The following UNC13D variants were observed in gnomAD, a reference collection of about 807,000 sequenced individuals.
UNC13D encodes the protein unc-13 homolog D.
UNC13D carries 115 observed loss-of-function variants against 151.7 expected under a neutral mutation model. That is an observed-to-expected ratio of 0.76 (90% CI 0.65 to 0.88). UNC13D has a LOEUF of 0.88. Among genes scored for constraint, UNC13D ranks in the 40% least tolerant of loss-of-function variants. The pLI, the probability that UNC13D is intolerant of heterozygous loss-of-function variation, is 0.00. For missense variants in UNC13D, 1,369 were observed against 1,438.7 expected (o/e 0.95, Z 0.78); for synonymous variants, 588 against 612.2 (o/e 0.96, Z 0.58).
At chr17:75,829,495 A>G (rs111609574) in intron 30 of UNC13D, among the ~76,000 whole-genome samples, 1,902 of 151,248 alleles carry the variant, frequency 0.013, 21 homozygotes, top group Middle Eastern at 0.038. Context: ...GGGTTTCACC[A>G]TGTTAGCCAG....
At chr17:75,835,184 A>G (rs1342518028) in intron 20 of UNC13D, 121 bp from the exon 21 acceptor site, 3 of 1,518,118 alleles carry the variant, frequency 2.0e-6, no homozygotes, top group African/African-American at 2.8e-5. Context: ...ACAAGAGACA[A>G]GCACGGCTCC....
Position 75,838,679 on chromosome 17 carries a change from G to A in UNC13D, c.1055+1160C>T, listed in dbSNP as rs377551621. On this transcript the variant is annotated intron_variant, in intron 12 of 31. Coordinates refer to ENST00000207549, the MANE Select transcript of UNC13D (RefSeq NM_199242.3). ...GTTGAAGGCTATGGCATTGGGAAGCGGGGCTGGGGTTAGGGACCGGGTCCA... is the reference window on the plus strand; with the variant it reads ...GTTGAAGGCTATGGCATTGGGAAGCAGGGCTGGGGTTAGGGACCGGGTCCA... Among the ~76,000 whole-genome samples, 57 of 152,290 alleles carry A rather than the reference G, an allele frequency of 3.7e-4. 1 individual carries two copies. The South Asian group carries it at 4.1e-3, about 11-fold the overall frequency.
intron 12 of UNC13D, among the ~76,000 whole-genome samples, chr17:75,839,325 C>G (rs2064931448): frequency 6.6e-6 from 1 of 151,240 alleles, no homozygotes; most frequent in African/African-American, 2.4e-5. Flanking sequence ...TCACTTGAAC[C>G]TGGAAGGCAG....
rs758848494 is a variant in UNC13D, at chr17:75,840,273, G to A, written c.810C>T (p.Tyr270=). 9 of 1,613,906 alleles carry A rather than the reference G, an allele frequency of 5.6e-6. No homozygotes were observed. The South Asian group carries it at 7.7e-5, about 14-fold the overall frequency. The change falls in exon 10 of 32, where the codon TAC becomes TAT. Residue 270 remains tyrosine (Y), a synonymous_variant. Coordinates refer to ENST00000207549, the MANE Select transcript of UNC13D (RefSeq NM_199242.3). The surrounding 1 kb of genome is among the most constrained non-coding windows in gnomAD (Gnocchi z 4.6). ...WYPLEPRTET[Y]PDRGQCHLQF... ...GGAGGTGGCACTGGCCTCGGTCTGG[G>A]TAGGTCTCAGTGCGGGGTTCCAGGG...
In UNC13D at chr17:75,829,338, T is replaced by C. The variant is rs1436160420; in HGVS notation, c.2955-355A>G. On this transcript the variant is annotated intron_variant, in intron 30 of 31. Transcript: ENST00000207549. The stretch of plus-strand genomic sequence containing the variant: ...TGAGACGGAGTCTTGCTCTGTCACC[T>C]AGGCTGGAGTGCAGTGGCGCCATCT... Among the ~76,000 whole-genome samples the C allele has an allele frequency of 3.9e-5, 6 of 152,232 alleles. No individual in the cohort carries two copies. In the East Asian group the frequency reaches 1.2e-3, roughly 29 times the overall value.
rs200980507 is a variant in UNC13D at position 75,834,381 on chromosome 17, C to T, written c.2242G>A (p.Ala748Thr). The T allele has an allele frequency of 4.6e-5, 74 of 1,592,056 alleles. No homozygotes were observed. In the African/African-American group the frequency reaches 4.7e-4, roughly 10 times the overall value. The change falls in exon 23 of 32, where the codon GCG becomes ACG. Residue 748 changes from alanine (A) to threonine (T), a missense_variant. Physicochemically the swap from Ala to Thr is moderately conservative, Grantham distance 58. Around this residue, in one of 3 missense-constraint regions of UNC13D, gnomAD observed 807 missense variants for 795.5 expected, o/e 1.01. Transcript: ENST00000207549. ...QNTLHAQLQS[A>T]LAGLGHEIRT... ...ATCTCATGGCCCAGCCCGGCCAGCG[C>T]GCTCTGCAGCTGGGCATGCAGCGTG...
chr17:75,836,687 G>T lies in UNC13D; in HGVS notation c.1183C>A (p.Leu395Met). ...AGCAGGGAGCTGAATGAGGCGGCCAGCTCCTCCTGCTGAAGAGCCAGGAGA... is the reference window on the plus strand; with the variant it reads ...AGCAGGGAGCTGAATGAGGCGGCCATCTCCTCCTGCTGAAGAGCCAGGAGA... The part of the protein sequence containing the change: ...GRLKAEQQEE[L>M]AASFSSLLTY... Residue 395 changes from leucine (L) to methionine (M), a missense_variant, in exon 14 of 32, where the codon CTG becomes ATG. Physicochemically the swap from Leu to Met is conservative, Grantham distance 15. Transcript: ENST00000207549. The T allele has an allele frequency of 6.2e-7, 1 of 1,613,624 alleles. No individual in the cohort carries two copies. Among genetic ancestry groups the T allele is most frequent in the Non-Finnish European group, 8.5e-7 (1 of 1,180,030 alleles).
rs765645010 is a variant in UNC13D, at chr17:75,831,133, G to C, written c.2590C>G (p.Leu864Val). 1 of 1,613,988 alleles carries C rather than the reference G, an allele frequency of 6.2e-7. No homozygotes were observed. The highest frequency in any genetic ancestry group is 8.5e-7 in the Non-Finnish European group (1 of 1,180,026). Residue 864 changes from leucine (L) to valine (V), a missense_variant, in exon 27 of 32, where the codon CTG (leucine) becomes GTG (valine). Leu to Val is a conservative substitution (Grantham distance 32). Coordinates refer to ENST00000207549, the MANE Select transcript of UNC13D (RefSeq NM_199242.3). ...EICFHAEGCG[L>V]PPKALHTATF... ...GCAGTGTGCAGGGCCTTGGGTGGCA[G>C]GCCACAGCCCTCAGCGTGGAAGCAG...
chr17:75,842,782 G>T lies in UNC13D; in HGVS notation c.388+75C>A, dbSNP rs528920435. ...TCTTGGAAGTGGGTGCTCCCGCCAA[G>T]AGTCCTGGGCCAGGCTGTGATGGGA... is the stretch of plus-strand genomic sequence containing the variant. On this transcript the variant is annotated intron_variant, in intron 5 of 31. Transcript: ENST00000207549. 2.8e-3 allele frequency: 4,496 copies of T among 1,603,382 alleles called. 10 individuals carry two copies. Among genetic ancestry groups the T allele is most frequent in the Non-Finnish European group, 3.5e-3 (4,114 of 1,171,162 alleles).
At position 75,827,305 on chromosome 17, in the gene UNC13D, G is replaced by A; in HGVS notation, c.*660C>T. 1.5e-6 allele frequency: 1 copy of A among 645,846 alleles called. No homozygotes were observed. The allele number at this position is 645,846 out of a possible 1,614,324, so 40.0% of individuals were successfully genotyped here. The stretch of plus-strand genomic sequence containing the variant: ...GGTGGCAGGTGCTGTCCGGGGAGGG[G>A]GCGTGCGCAGCAGACACAGCAGCCA... On this transcript the variant is annotated 3_prime_UTR_variant, in exon 32 of 32. Coordinates refer to ENST00000207549, the MANE Select transcript of UNC13D (RefSeq NM_199242.3).
Position 75,842,551 on chromosome 17 carries a change from G to T in UNC13D, c.451C>A (p.Pro151Thr), listed in dbSNP as rs1410101647. ...GCCTTCTGCCGATGCCGGGACCCGGGGCTGCCCCCTGGCACACCTACCCCC... is the reference window on the plus strand; with the variant it reads ...GCCTTCTGCCGATGCCGGGACCCGGTGCTGCCCCCTGGCACACCTACCCCC... ...EQGVGVPGGS[P>T]GSRHRQKAVV... The change falls in exon 6 of 32, where the codon CCC (proline) becomes ACC (threonine). Residue 151 changes from proline to threonine, a missense_variant. Pro to Thr is a conservative substitution (Grantham distance 38, BLOSUM62 -1). Around this residue, in one of 3 missense-constraint regions of UNC13D, gnomAD observed 550 missense variants for 609.0 expected, o/e 0.90. Coordinates refer to ENST00000207549, the MANE Select transcript of UNC13D (RefSeq NM_199242.3). 1 of 1,612,162 alleles carries T rather than the reference G, an allele frequency of 6.2e-7. No individual in the cohort carries two copies. Among genetic ancestry groups the T allele is most frequent in the Non-Finnish European group, 8.5e-7 (1 of 1,179,346 alleles).
rs977499810 is a variant in UNC13D, at chr17:75,835,751, C to T, written c.1623G>A (p.Thr541=). Residue 541 remains threonine, a synonymous_variant, in exon 19 of 32, where the codon ACG becomes ACA. Transcript: ENST00000207549. ...WLVAKRVQDH[T]TVVGDVVSPE... ...GGGACACTACATCACCCACAACCGT[C>T]GTGTGGTCCTGCACCCGCTTGGCCA... 3.7e-6 allele frequency: 6 copies of T among 1,613,892 alleles called. No homozygotes were observed. In the South Asian group the frequency reaches 4.4e-5, roughly 12 times the overall value.
rs1424695691 is a variant in UNC13D at position 75,830,946 on chromosome 17, G to A, written c.2625+152C>T. On this transcript the variant is annotated intron_variant, in intron 27 of 31. Transcript: ENST00000207549. Reference sequence around the variant, plus strand: ...CTTGGTTTCAGGTTCTGTCGTCACCGTTCTAAAATTTGTAATAACTTTTGA... The same window carrying A: ...CTTGGTTTCAGGTTCTGTCGTCACCATTCTAAAATTTGTAATAACTTTTGA... 10 of 1,055,268 alleles carry A rather than the reference G, an allele frequency of 9.5e-6. No homozygotes were observed. The Admixed American group carries it at 1.3e-4, about 13-fold the overall frequency. The allele number at this position is 1,055,268 out of a possible 1,614,324, so 65.4% of individuals were successfully genotyped here.
chr17:75,827,824 C>G lies in UNC13D; in HGVS notation c.*141G>C. The stretch of plus-strand genomic sequence containing the variant: ...CCATGGGAGGCAGGGGAGGTCTGCA[C>G]TCTGGGCACTCCGCATGCTGGGGCT... On this transcript the variant is annotated 3_prime_UTR_variant, in exon 32 of 32. Coordinates refer to ENST00000207549, the MANE Select transcript of UNC13D (RefSeq NM_199242.3). 6.7e-7 allele frequency: 1 copy of G among 1,500,366 alleles called. No individual in the cohort carries two copies. The highest frequency in any genetic ancestry group is 1.3e-5 in the South Asian group (1 of 79,010). The allele number at this position is 1,500,366 out of a possible 1,614,324, so 92.9% of individuals were successfully genotyped here.
At chr17:75,830,774 A>C in intron 27 of UNC13D, 113 bp from the exon 28 acceptor site, 1 of 1,328,578 alleles carries the variant, frequency 7.5e-7, no homozygotes. Context: ...AATGGAAAGT[A>C]TTGGGTCATG....
At position 75,833,007 on chromosome 17, in the gene UNC13D, A is replaced by C; in HGVS notation, c.2406T>G (p.Leu802=). 6.2e-7 allele frequency: 1 copy of C among 1,604,058 alleles called. No individual in the cohort carries two copies. Among genetic ancestry groups the C allele is most frequent in the Non-Finnish European group, 8.5e-7 (1 of 1,176,170 alleles). Residue 802 remains leucine, a synonymous_variant, in exon 25 of 32, where the codon CTT becomes CTG. Coordinates refer to ENST00000207549, the MANE Select transcript of UNC13D (RefSeq NM_199242.3). This position sits in a 1 kb window ranked among gnomAD's most constrained non-coding sequence, Gnocchi z 4.0. ...LPLMKFLEVE[L]CYMNTNLVQE... Reference sequence around the variant, plus strand: ...GCACCAAGTTGGTGTTCATGTAGCAAAGCTCCACCTCCAGGAACTTCATCA... The same window carrying C: ...GCACCAAGTTGGTGTTCATGTAGCACAGCTCCACCTCCAGGAACTTCATCA...
Position 75,830,589 on chromosome 17 carries a change from T to C in UNC13D, c.2698A>G (p.Ile900Val). The C allele has an allele frequency of 1.3e-6, 2 of 1,561,366 alleles. No individual in the cohort carries two copies. Among genetic ancestry groups the C allele is most frequent in the South Asian group, 1.2e-5 (1 of 84,942 alleles). ...ELIRKYFCSR[I>V]QQQAETTSEE... ...GGGAGGGGCCTCACCTGCTGCTGGATTCGGCTGCAGAAGTACTTCCGGATG... is the reference window on the plus strand; with the variant it reads ...GGGAGGGGCCTCACCTGCTGCTGGACTCGGCTGCAGAAGTACTTCCGGATG... The change falls in exon 28 of 32, where the codon ATC becomes GTC. Residue 900 changes from isoleucine to valine, a missense_variant. Transcript: ENST00000207549.
Position 75,827,328 on chromosome 17 carries a change from C to T in UNC13D, c.*637G>A. 2.1e-6 allele frequency: 2 copies of T among 941,306 alleles called. No homozygotes were observed. Among genetic ancestry groups the T allele is most frequent in the Non-Finnish European group, 2.9e-6 (2 of 684,772 alleles). The allele number at this position is 941,306 out of a possible 1,614,324, so 58.3% of individuals were successfully genotyped here. On this transcript the variant is annotated 3_prime_UTR_variant, in exon 32 of 32. Transcript: ENST00000207549. ...GGGGCGTGCGCAGCAGACACAGCAG[C>T]CAAACTGTCCTTTCTGCTTCCGTCT... is the stretch of plus-strand genomic sequence containing the variant.
intron 12 of UNC13D, among the ~76,000 whole-genome samples, chr17:75,837,754 C>CAAAAAAAAAA (rs56040848): frequency 4.0e-5 from 5 of 125,174 alleles, no homozygotes; most frequent in African/African-American, 9.6e-5. Flanking sequence ...AACTCCAGCT[C>CAAAAAAAAAA]AAAAAAAAAA....
Sources: gnomAD v4.1 joint callset for allele counts (sites outside exome capture counted in the v4.1 genomes callset) on GRCh38, gnomAD v4.1.1 for gene constraint, gnomAD v4.1.1 regional missense constraint, Gnocchi (gnomAD v3.1) non-coding constraint, MANE v1.5 for transcripts, NCBI Gene and HGNC (gene_info 2026-07-23, HGNC 2026-07-21) for gene names.